The following ZFP30 variants were observed in gnomAD, a reference collection of about 807,000 sequenced individuals.
ZFP30 encodes zinc finger protein 30 homolog.
A neutral mutation model predicts 12.3 loss-of-function variants in ZFP30; 16 were observed. That is an observed-to-expected ratio of 1.30 (90% confidence interval 0.88 to 1.98). The LOEUF is 1.98. Ranked by LOEUF, ZFP30 falls within the 30% of genes most tolerant of loss-of-function variation. The probability of loss-of-function intolerance (pLI) is 0.00; values close to 1 mark genes in which losing one functional copy is unlikely to be tolerated. For missense variants in ZFP30, 560 were observed against 611.2 expected (o/e 0.92, Z 0.88); for synonymous variants, 172 against 201.0 (o/e 0.86, Z 1.22).
At position 37,635,448 on chromosome 19, in the gene ZFP30, G is replaced by A. The variant is rs530377100; in HGVS notation, c.1093C>T (p.Arg365Cys). Reference sequence around the variant, plus strand: ...TGATGGAGAGTTAGATGATAGCCACGACTGAAAGTCTTCCCACATTCCTTA... The same window carrying A: ...TGATGGAGAGTTAGATGATAGCCACAACTGAAAGTCTTCCCACATTCCTTA... ...DCKECGKTFS[R>C]GYHLTLHQRI... Residue 365 changes from arginine to cysteine, a missense_variant, in exon 6 of 6, where the codon CGT becomes TGT. By Grantham distance (180) the Arg-to-Cys change is radical. Transcript: ENST00000684514. The A allele has an allele frequency of 7.4e-6, 12 of 1,614,108 alleles. No homozygotes were observed. The highest frequency in any genetic ancestry group is 5.0e-5 in the Admixed American group (3 of 60,032).
At chr19:37,655,610 C>G (rs1393319787), upstream of ZFP30, 1 of 152,484 alleles carries the variant, frequency 6.6e-6, no homozygotes, top group Non-Finnish European at 1.5e-5. Context: ...CCAGAGGGGC[C>G]GCAGTGTCCC....
chr19:37,648,413 A>C (rs1325093827), intron 2 of ZFP30, among the ~76,000 whole-genome samples: 1 of 152,182 alleles, frequency 6.6e-6, no homozygotes, highest in African/African-American at 2.4e-5. Flanking sequence ...TCTTTAAAAT[A>C]TACTGTTGCC....
intron 2 of ZFP30, among the ~76,000 whole-genome samples, chr19:37,649,478 G>A (rs1409678629): frequency 6.6e-6 from 1 of 152,002 alleles, no homozygotes; most frequent in Non-Finnish European, 1.5e-5. Context: ...CAAAAAAGCT[G>A]GAAAGAACCT....
At chr19:37,639,002 T>C (rs1325121224) in intron 5 of ZFP30, among the ~76,000 whole-genome samples, 3 of 152,150 alleles carry the variant, frequency 2.0e-5, no homozygotes, top group Non-Finnish European at 2.9e-5. Flanking sequence ...GCTAAAAAGA[T>C]AGTAAAAGAC....
chr19:37,636,356 C>G (rs1390531544), intron 5 of ZFP30, 51 bp from the exon 6 acceptor site: 2 of 1,181,028 alleles, frequency 1.7e-6, no homozygotes, highest in East Asian at 3.0e-5. Context: ...ACAAAATAAA[C>G]AAACGAAAAC....
chr19:37,639,215 T>C (rs1568381580), intron 5 of ZFP30, among the ~76,000 whole-genome samples: 1 of 152,050 alleles, frequency 6.6e-6, no homozygotes, highest in African/African-American at 2.4e-5. Flanking sequence ...AAATAAGATA[T>C]AAGTGATATT....
intron 5 of ZFP30, 81 bp from the exon 6 acceptor site, chr19:37,636,386 A>C: frequency 1.7e-6 from 2 of 1,200,064 alleles, no homozygotes; most frequent in Non-Finnish European, 2.1e-6. Context: ...GAAATCGGTG[A>C]CCAAAAAAAA....
rs1168605322 is a variant in ZFP30, at chr19:37,631,666, A to C, written c.*3315T>G. The stretch of plus-strand genomic sequence containing the variant: ...CATACATAAAATTCATTCCATTCTT[A>C]ATACATAGAAAGCTAAAAAAAAAAA... On this transcript the variant is annotated 3_prime_UTR_variant, in exon 6 of 6. Coordinates refer to ENST00000684514, the MANE Select transcript of ZFP30 (RefSeq NM_001320669.3). 1 of 141,678 alleles carries C rather than the reference A, an allele frequency of 7.1e-6. No homozygotes were observed. Among genetic ancestry groups the C allele is most frequent in the Non-Finnish European group, 1.5e-5 (1 of 66,662 alleles). 8.8% of individuals were successfully genotyped at this position (141,678 alleles called of 1,614,324 possible).
chr19:37,639,141 A>C (rs1285538086), intron 5 of ZFP30, among the ~76,000 whole-genome samples: 1 of 152,172 alleles, frequency 6.6e-6, no homozygotes, highest in African/African-American at 2.4e-5. Context: ...CAAAAAAAGC[A>C]ATACAAAATA....
intron 5 of ZFP30, among the ~76,000 whole-genome samples, chr19:37,636,891 A>G (rs2044339259): frequency 6.6e-6 from 1 of 151,998 alleles, no homozygotes; most frequent in Admixed American, 6.6e-5. Flanking sequence ...TTGTATTTTT[A>G]GTAGAGACAG....
intron 5 of ZFP30, 139 bp downstream of exon 5, chr19:37,643,126 C>T: frequency 3.5e-6 from 2 of 570,370 alleles, no homozygotes; most frequent in South Asian, 2.5e-5. Flanking sequence ...TCTTTGATGG[C>T]TCATGCTGAG....
Position 37,635,043 on chromosome 19 carries a change from T to TAA in ZFP30, c.1497_1498insTT (p.Lys500LeufsTer20). On this transcript the variant is annotated frameshift_variant, in exon 6 of 6. Transcript: ENST00000684514. LOFTEE classifies it high-confidence loss of function. ...TGTGAATGTTGTCTAAATGCCTTTT[T>TAA]ACATTCCTTACATTTGTATGGTTTC... 6.3e-7 allele frequency: 1 copy of TAA among 1,597,290 alleles called. No homozygotes were observed. Among genetic ancestry groups the TAA allele is most frequent in the Non-Finnish European group, 8.5e-7 (1 of 1,174,074 alleles).
chr19:37,635,185 T>C lies in ZFP30; in HGVS notation c.1356A>G (p.Gln452=), dbSNP rs1422772519. 1.9e-6 allele frequency: 3 copies of C among 1,612,298 alleles called. No individual in the cohort carries two copies. Among genetic ancestry groups the C allele is most frequent in the East Asian group, 2.2e-5 (1 of 44,802 alleles). ...ECEKTFRLLS[Q]LTQHQSIHTG... ...TATGAATACTTTGATGTTGGGTAAG[T>C]TGTGAAAGCAGTCTAAAAGTCTTCT... The change falls in exon 6 of 6, where the codon CAA becomes CAG. Residue 452 remains glutamine, a synonymous_variant. Coordinates refer to ENST00000684514, the MANE Select transcript of ZFP30 (RefSeq NM_001320669.3).
intron 5 of ZFP30, among the ~76,000 whole-genome samples, chr19:37,640,356 AC>A (rs1287439260): frequency 6.6e-6 from 1 of 151,208 alleles, no homozygotes; most frequent in Non-Finnish European, 1.5e-5. Context: ...ACCTCCAAAA[AC>A]ATGTATGTAA....
intron 2 of ZFP30, among the ~76,000 whole-genome samples, chr19:37,649,161 C>T (rs1043200275): frequency 1.3e-5 from 2 of 151,190 alleles, no homozygotes; most frequent in African/African-American, 4.9e-5. Flanking sequence ...AGGAGAATTG[C>T]TTGAGCCCAG....
intron 5 of ZFP30, among the ~76,000 whole-genome samples, chr19:37,641,240 A>T (rs1426923121): frequency 6.6e-6 from 1 of 152,158 alleles, no homozygotes; most frequent in Admixed American, 6.5e-5. Flanking sequence ...TCTCTACTTC[A>T]TCAATGTTCC....
At chr19:37,643,176 C>T in intron 5 of ZFP30, 89 bp downstream of exon 5, 5 of 983,860 alleles carry the variant, frequency 5.1e-6, no homozygotes, top group Non-Finnish European at 7.5e-6. Flanking sequence ...GTCTCTTCTT[C>T]ACAATTGACA....
intron 5 of ZFP30, 146 bp from the exon 6 acceptor site, chr19:37,636,451 A>G: frequency 1.2e-6 from 1 of 857,290 alleles, no homozygotes; most frequent in Non-Finnish European, 1.7e-6. Flanking sequence ...TCTCTAAAAT[A>G]GGTAATTTAA....
At chr19:37,653,558 T>C (rs1400228015) in intron 2 of ZFP30, among the ~76,000 whole-genome samples, 1 of 152,246 alleles carries the variant, frequency 6.6e-6, no homozygotes, top group African/African-American at 2.4e-5. Context: ...TATACTTTTT[T>C]CTTATGACTA....
Sources: gnomAD v4.1 joint callset for allele counts (sites outside exome capture counted in the v4.1 genomes callset) on GRCh38, gnomAD v4.1.1 for gene constraint, MANE v1.5 for transcripts, NCBI Gene and HGNC (gene_info 2026-07-23, HGNC 2026-07-21) for gene names.